The following AGBL4 variants were observed in gnomAD, a reference collection of about 807,000 sequenced individuals.
AGBL4 encodes the protein cytosolic carboxypeptidase 6.
AGBL4 carries 58 observed loss-of-function variants against 66.4 expected under a neutral mutation model. The ratio of observed to expected loss-of-function variants is 0.87; its 90% CI spans 0.71 to 1.09. The LOEUF (loss-of-function observed/expected upper bound fraction) is 1.09, where lower values mean the gene tolerates loss of function less well. Among genes scored for constraint, AGBL4 ranks in the 50% least tolerant of loss-of-function variants. The pLI, the probability that AGBL4 is intolerant of heterozygous loss-of-function variation, is 0.00. For synonymous variants in AGBL4, 234 were observed against 222.9 expected (o/e 1.05, Z -0.44); for missense variants, 579 against 631.0 (o/e 0.92, Z 0.88).
intron 4 of AGBL4, among the ~76,000 whole-genome samples, chr1:49,123,202 A>G (rs1192500733): frequency 6.6e-6 from 1 of 152,142 alleles, no homozygotes; most frequent in African/African-American, 2.4e-5. Context: ...ATAGTATCGT[A>G]TTATTTGATC....
chr1:49,531,450 C>A (rs1301523379), intron 3 of AGBL4, among the ~76,000 whole-genome samples: 1 of 152,024 alleles, frequency 6.6e-6, no homozygotes, highest in African/African-American at 2.4e-5. Context: ...CTTTTAAATT[C>A]CAAAGTCCAG....
chr1:48,886,159 T>C (rs1650315915), intron 5 of AGBL4, among the ~76,000 whole-genome samples: 1 of 152,022 alleles, frequency 6.6e-6, no homozygotes, highest in African/African-American at 2.4e-5. Flanking sequence ...AATGTGGAAC[T>C]GTGCATGTGC....
intron 3 of AGBL4, among the ~76,000 whole-genome samples, chr1:49,273,964 G>A (rs1360982133): frequency 6.6e-6 from 1 of 152,178 alleles, no homozygotes; most frequent in Non-Finnish European, 1.5e-5. Context: ...TTACAGGCAT[G>A]AGCCACCATG....
intron 4 of AGBL4, among the ~76,000 whole-genome samples, chr1:49,116,842 G>T (rs1273128266): frequency 6.6e-6 from 1 of 152,194 alleles, no homozygotes; most frequent in Non-Finnish European, 1.5e-5. Context: ...CACCAACAGT[G>T]TAAAAGCACT....
intron 3 of AGBL4, among the ~76,000 whole-genome samples, chr1:49,525,951 G>A (rs1650624552): frequency 6.6e-6 from 1 of 151,860 alleles, no homozygotes; most frequent in Non-Finnish European, 1.5e-5. Context: ...AATTAGCCGG[G>A]CATGGTGGCG....
At chr1:49,877,385 T>C (rs901705500) in intron 1 of AGBL4, among the ~76,000 whole-genome samples, 3 of 152,082 alleles carry the variant, frequency 2.0e-5, no homozygotes, top group African/African-American at 7.3e-5. Flanking sequence ...TTGAATTCTG[T>C]CAAAGGCTTT....
intron 6 of AGBL4, chr1:48,818,352 A>G: frequency 1.4e-6 from 1 of 693,968 alleles, no homozygotes; most frequent in Middle Eastern, 2.4e-4. Flanking sequence ...TGGGAGCCAT[A>G]CATGAAACAT....
chr1:48,987,444 G>C (rs996771461), intron 5 of AGBL4, among the ~76,000 whole-genome samples: 1 of 151,934 alleles, frequency 6.6e-6, no homozygotes, highest in Non-Finnish European at 1.5e-5. Context: ...TAATAATAAA[G>C]GGGTTAATTT....
At chr1:49,153,252 C>A (rs1046912982) in intron 4 of AGBL4, among the ~76,000 whole-genome samples, 17 of 152,144 alleles carry the variant, frequency 1.1e-4, no homozygotes, top group Middle Eastern at 3.4e-3. Context: ...GAGTTTCAGG[C>A]CTGCCATTCT....
intron 3 of AGBL4, among the ~76,000 whole-genome samples, chr1:49,675,140 C>T (rs1646554532): frequency 6.6e-6 from 1 of 152,080 alleles, no homozygotes. Flanking sequence ...GATTGTCATT[C>T]TGTTTTCCAA....
At chr1:48,745,901 G>A (rs981304185) in intron 6 of AGBL4, among the ~76,000 whole-genome samples, 14 of 151,768 alleles carry the variant, frequency 9.2e-5, no homozygotes, top group Admixed American at 5.3e-4. Context: ...GTACTTGTTC[G>A]TCTCTATATC....
At chr1:49,346,644 T>A (rs1334769954) in intron 3 of AGBL4, among the ~76,000 whole-genome samples, 1 of 152,212 alleles carries the variant, frequency 6.6e-6, no homozygotes, top group African/African-American at 2.4e-5. Flanking sequence ...CTCACCATAC[T>A]GATACTTTCT....
In AGBL4 at chr1:49,873,411, G is replaced by A. The variant is rs192752332; in HGVS notation, c.35-21893C>T. 4.8e-4 allele frequency among the ~76,000 whole-genome samples: 73 copies of A among 151,962 alleles called. No individual in the cohort carries two copies. The East Asian group carries it at 0.014, about 29-fold the overall frequency. ...AAGAAAAGAGGAGAGAAATGTGAAA[G>A]GAAAACAAAAACTTGGGACCTCAAT... On this transcript the variant is annotated intron_variant, in intron 1 of 13. Coordinates refer to ENST00000371839, the MANE Select transcript of AGBL4 (RefSeq NM_032785.4).
intron 3 of AGBL4, among the ~76,000 whole-genome samples, chr1:49,432,945 A>G (rs1645819104): frequency 6.6e-6 from 1 of 152,168 alleles, no homozygotes; most frequent in Admixed American, 6.6e-5. Flanking sequence ...AGGAGCAGAA[A>G]GCTAAACTGA....
intron 3 of AGBL4, among the ~76,000 whole-genome samples, chr1:49,253,135 C>T (rs1398678946): frequency 2.0e-5 from 3 of 152,148 alleles, no homozygotes; most frequent in African/African-American, 2.4e-5. Context: ...AACCAAAACC[C>T]AGTGGTATGC....
intron 3 of AGBL4, among the ~76,000 whole-genome samples, chr1:49,566,284 C>T (rs12079882): frequency 1.3e-5 from 2 of 152,130 alleles, no homozygotes; most frequent in Admixed American, 6.5e-5. Flanking sequence ...TCTTCTGAAG[C>T]CTTCTTCTCT....
intron 6 of AGBL4, among the ~76,000 whole-genome samples, chr1:48,751,192 G>C (rs1651681014): frequency 6.6e-6 from 1 of 152,156 alleles, no homozygotes; most frequent in South Asian, 2.1e-4. Flanking sequence ...TGTCCAATTG[G>C]TATCTTGAGG....
intron 5 of AGBL4, among the ~76,000 whole-genome samples, chr1:49,043,219 T>C (rs1643990362): frequency 6.6e-6 from 1 of 152,190 alleles, no homozygotes; most frequent in South Asian, 2.1e-4. Flanking sequence ...CACCTTTCTA[T>C]ATCTTTTTAT....
chr1:48,991,524 CATTTGGAAAGTTCTTTGTTATT>C (rs1660605853), intron 5 of AGBL4, among the ~76,000 whole-genome samples: 1 of 152,272 alleles, frequency 6.6e-6, no homozygotes, highest in East Asian at 1.9e-4. Context: ...GCTTTCTCAA[CATTTGGAAAGTTCTTTGTTATT>C]ATCCTTTTGA....
Sources: gnomAD v4.1 joint callset for allele counts (sites outside exome capture counted in the v4.1 genomes callset) on GRCh38, gnomAD v4.1.1 for gene constraint, MANE v1.5 for transcripts, NCBI Gene and HGNC (gene_info 2026-07-23, HGNC 2026-07-21) for gene names.